Variants in ITGA2 observed in about 807,000 individuals in gnomAD.
ITGA2 encodes the protein integrin alpha-2.
A neutral mutation model predicts 146.3 loss-of-function variants in ITGA2; 101 were observed. The ratio of observed to expected loss-of-function variants is 0.69; its 90% CI spans 0.59 to 0.81. The LOEUF is 0.81. ITGA2 is among the 40% of genes least tolerant of loss of function. ITGA2 has a pLI of 0.00. For missense variants in ITGA2, 1,281 were observed against 1,402.7 expected, an observed-to-expected ratio of 0.91 and a Z score of 1.39; for synonymous variants, 477 against 487.1, an observed-to-expected ratio of 0.98 and a Z score of 0.27.
At chr5:53,019,777 C>T (rs1470523154) in intron 1 of ITGA2, among the ~76,000 whole-genome samples, 5 of 152,172 alleles carry the variant, frequency 3.3e-5, no homozygotes, top group Non-Finnish European at 1.5e-5. Context: ...CTGTCCACCT[C>T]GGCCTCCCAA....
intron 6 of ITGA2, among the ~76,000 whole-genome samples, chr5:53,048,977 A>C (rs541714839): frequency 1.6e-4 from 24 of 149,336 alleles, no homozygotes; most frequent in African/African-American, 5.4e-4. Context: ...TTAGAGTTCT[A>C]TTTCTGACAC....
At chr5:53,022,208 AT>A (rs11446528) in intron 1 of ITGA2, among the ~76,000 whole-genome samples, 8 of 113,532 alleles carry the variant, frequency 7.0e-5, no homozygotes, top group East Asian at 4.3e-4. Flanking sequence ...GTTTCACTGC[AT>A]TTTTTTTTTT....
At chr5:53,039,878 G>A (rs1210321852) in intron 2 of ITGA2, among the ~76,000 whole-genome samples, 1 of 147,282 alleles carries the variant, frequency 6.8e-6, no homozygotes, top group South Asian at 2.1e-4. Context: ...TAACTCATTT[G>A]TTCAACAAGT....
chr5:53,037,046 A>G (rs1023898224), intron 2 of ITGA2, among the ~76,000 whole-genome samples: 1 of 152,220 alleles, frequency 6.6e-6, no homozygotes, highest in Admixed American at 6.5e-5. Flanking sequence ...CACTTGGAGA[A>G]TTTACAGACT....
intron 1 of ITGA2, among the ~76,000 whole-genome samples, chr5:53,010,108 C>A (rs1466771622): frequency 6.6e-6 from 1 of 152,128 alleles, no homozygotes; most frequent in Non-Finnish European, 1.5e-5. Flanking sequence ...ATCTCAGCAA[C>A]AATCAAAATA....
rs141563871 is a variant in ITGA2 at position 53,011,452 on chromosome 5, A to C, written c.65-15296A>C. On this transcript the variant is annotated intron_variant, in intron 1 of 29. Transcript: ENST00000296585. ...CCCTGTTGCTGCAGGTTTCCAACCC[A>C]CCGCTATGTTGCTGGTCATCCTTTC... Among the ~76,000 whole-genome samples, 563 of 152,236 alleles carry C rather than the reference A, an allele frequency of 3.7e-3. 2 individuals carry two copies. The highest frequency in any genetic ancestry group is 0.013 in the African/African-American group (540 of 41,542).
chr5:53,006,523 G>C (rs1418008198), intron 1 of ITGA2, among the ~76,000 whole-genome samples: 1 of 152,168 alleles, frequency 6.6e-6, no homozygotes, highest in Non-Finnish European at 1.5e-5. Flanking sequence ...TAATTAAACT[G>C]TTCTTTATTA....
intron 1 of ITGA2, among the ~76,000 whole-genome samples, chr5:53,020,220 G>A (rs1742608559): frequency 6.6e-6 from 1 of 152,140 alleles, no homozygotes; most frequent in African/African-American, 2.4e-5. Flanking sequence ...AAATTCATTA[G>A]TTTTGTATTA....
chr5:53,038,418 A>G (rs1579834264), intron 2 of ITGA2, among the ~76,000 whole-genome samples: 1 of 152,092 alleles, frequency 6.6e-6, no homozygotes, highest in South Asian at 2.1e-4. Context: ...CCTTGTTCCT[A>G]CCTGCCATTG....
chr5:53,051,507 T>A lies in ITGA2; in HGVS notation c.727T>A (p.Ser243Thr). The change falls in exon 7 of 30, where the codon TCC (serine) becomes ACC (threonine). Residue 243 changes from serine to threonine, a missense_variant. Physicochemically the swap from Ser to Thr is moderately conservative, Grantham distance 58. Around this residue, in one of 3 missense-constraint regions of ITGA2, gnomAD observed 795 missense variants for 841.7 expected, o/e 0.94. Transcript: ENST00000296585. Reference sequence around the variant, plus strand: ...AATGATTGTAGCAACATCCCAGACATCCCAATATGGTGGGGACCTCACAAA... The same window carrying A: ...AATGATTGTAGCAACATCCCAGACAACCCAATATGGTGGGGACCTCACAAA... Reference protein sequence around the residue: ...EEMIVATSQTSQYGGDLTNTF... With the variant: ...EEMIVATSQTTQYGGDLTNTF... 6.2e-7 allele frequency: 1 copy of A among 1,613,656 alleles called. No homozygotes were observed. The highest frequency in any genetic ancestry group is 8.5e-7 in the Non-Finnish European group (1 of 1,179,766).
At chr5:53,039,492 G>A (rs1362728616) in intron 2 of ITGA2, among the ~76,000 whole-genome samples, 1 of 151,940 alleles carries the variant, frequency 6.6e-6, no homozygotes, top group Admixed American at 6.6e-5. Flanking sequence ...CAGAAATAAG[G>A]ATTTTCTTTG....
Position 53,086,957 on chromosome 5 carries a change from G to A in ITGA2, c.3264G>A (p.Thr1088=), listed in dbSNP as rs1480186860. Reference sequence around the variant, plus strand: ...TCCTTATTCTTATGTTCCAGTCAACGTTCCAGACAGTACAGCTAACGGCAG... The same window carrying A: ...TCCTTATTCTTATGTTCCAGTCAACATTCCAGACAGTACAGCTAACGGCAG... ...RIWNGTFASS[T]FQTVQLTAAA... Residue 1088 remains threonine (T), a synonymous_variant, in exon 28 of 30, where the codon ACG becomes ACA. Coordinates refer to ENST00000296585, the MANE Select transcript of ITGA2 (RefSeq NM_002203.4). The A allele has an allele frequency of 1.9e-6, 3 of 1,612,696 alleles. No homozygotes were observed. Among genetic ancestry groups the A allele is most frequent in the Admixed American group, 1.7e-5 (1 of 59,982 alleles).
In ITGA2 at chr5:53,048,571, G is replaced by A. The variant is rs1331874702; in HGVS notation, c.503-72G>A. 6.2e-6 allele frequency: 10 copies of A among 1,612,550 alleles called. No individual in the cohort carries two copies. The Admixed American group carries it at 1.5e-4, about 24-fold the overall frequency. On this transcript the variant is annotated intron_variant, in intron 5 of 29. Coordinates refer to ENST00000296585, the MANE Select transcript of ITGA2 (RefSeq NM_002203.4). The stretch of plus-strand genomic sequence containing the variant: ...CTAGTGGCACCCAAACCCTCCTTAA[G>A]TCTCATTTTTATATGGCTGTGAAAT...
At chr5:53,086,346 TTAGA>T (rs1014035274) in intron 27 of ITGA2, among the ~76,000 whole-genome samples, 2 of 152,188 alleles carry the variant, frequency 1.3e-5, no homozygotes, top group South Asian at 2.1e-4. Flanking sequence ...ATAGAAACAC[TTAGA>T]TAGGAAATCT....
chr5:53,066,177 T>C (rs142718612), intron 15 of ITGA2, among the ~76,000 whole-genome samples, 200 bp downstream of exon 15: 3 of 152,046 alleles, frequency 2.0e-5, no homozygotes, highest in Non-Finnish European at 4.4e-5. Context: ...ATTAGAAATA[T>C]AGTTCTCTCC....
At position 53,074,391 on chromosome 5, in the gene ITGA2, G is replaced by A. The variant is rs1367210908; in HGVS notation, c.2578G>A (p.Gly860Arg). 3 of 1,612,036 alleles carry A rather than the reference G, an allele frequency of 1.9e-6. No individual in the cohort carries two copies. The highest frequency in any genetic ancestry group is 2.7e-5 in the African/African-American group (2 of 74,900). ...TTTCCTTGGTCTTGTTCAGGTTGAT[G>A]GGACAGAAGTAACATGCCAGGTGGC... Reference protein sequence around the residue: ...FFASFSLPVDGTEVTCQVAAS... With the variant: ...FFASFSLPVDRTEVTCQVAAS... Residue 860 changes from glycine to arginine, a missense_variant, in exon 21 of 30, where the codon GGG becomes AGG. Around this residue, in one of 3 missense-constraint regions of ITGA2, gnomAD observed 475 missense variants for 530.5 expected, o/e 0.90. Coordinates refer to ENST00000296585, the MANE Select transcript of ITGA2 (RefSeq NM_002203.4).
At position 53,078,762 on chromosome 5, in the gene ITGA2, C is replaced by T; in HGVS notation, c.2826-10C>T. 2 of 1,510,448 alleles carry T rather than the reference C, an allele frequency of 1.3e-6. No individual in the cohort carries two copies. Among genetic ancestry groups the T allele is most frequent in the Non-Finnish European group, 1.8e-6 (2 of 1,086,350 alleles). The allele number at this position is 1,510,448 out of a possible 1,614,324, so 93.6% of individuals were successfully genotyped here. ...CTAAAATATTTGGCTTTACAAACAT[C>T]ATCCAACAGATCTACCAACATAAAT... On this transcript the variant is annotated splice_polypyrimidine_tract_variant and intron_variant, in intron 23 of 29. Transcript: ENST00000296585.
chr5:53,008,402 A>G (rs1442478839), intron 1 of ITGA2, among the ~76,000 whole-genome samples: 1 of 150,778 alleles, frequency 6.6e-6, no homozygotes, highest in Non-Finnish European at 1.5e-5. Context: ...CTGTCTCCAA[A>G]TACAATCACA....
At chr5:53,031,611 C>A (rs1743226556) in intron 2 of ITGA2, among the ~76,000 whole-genome samples, 1 of 152,320 alleles carries the variant, frequency 6.6e-6, no homozygotes, top group Middle Eastern at 3.4e-3. Flanking sequence ...TTGCTAGTTT[C>A]ATTTATGAGA....
Sources: gnomAD v4.1 joint callset for allele counts (sites outside exome capture counted in the v4.1 genomes callset) on GRCh38, gnomAD v4.1.1 for gene constraint, gnomAD v4.1.1 regional missense constraint, MANE v1.5 for transcripts, NCBI Gene and HGNC (gene_info 2026-07-23, HGNC 2026-07-21) for gene names.